NRG3: variants seen among roughly 807,000 people sequenced by gnomAD.
The protein encoded by NRG3 is neuregulin 3, also known as pro-neuregulin-3, membrane-bound isoform.
Under a neutral mutation model 66.9 loss-of-function variants are expected in NRG3, and 31 were observed. That is an observed-to-expected ratio of 0.46 (90% CI 0.35 to 0.63). The LOEUF (loss-of-function observed/expected upper bound fraction) is 0.63, where lower values mean the gene tolerates loss of function less well. Among genes scored for constraint, NRG3 ranks in the 20% least tolerant of loss-of-function variants. NRG3 has a pLI of 0.00. For synonymous variants in NRG3, 393 were observed against 359.4 expected (o/e 1.09, Z -1.06); for missense variants, 910 against 878.9 (o/e 1.04, Z -0.45).
intron 1 of NRG3, among the ~76,000 whole-genome samples, chr10:82,101,444 G>T (rs1377841288): frequency 6.6e-6 from 1 of 151,080 alleles, no homozygotes; most frequent in Non-Finnish European, 1.5e-5. Context: ...TTTATTTTAG[G>T]GCTTTCTTAT....
chr10:81,955,729 T>C (rs1041059634), intron 1 of NRG3, among the ~76,000 whole-genome samples: 3 of 152,134 alleles, frequency 2.0e-5, no homozygotes, highest in Non-Finnish European at 4.4e-5. Context: ...TTATCCTTTT[T>C]TTCCAGCTAA....
At chr10:82,095,064 C>T (rs1205933481) in intron 1 of NRG3, among the ~76,000 whole-genome samples, 2 of 152,054 alleles carry the variant, frequency 1.3e-5, no homozygotes, top group African/African-American at 4.8e-5. Flanking sequence ...CTGGAGCTTT[C>T]CCTTGGCTCC....
chr10:82,288,054 G>A (rs181940944), intron 1 of NRG3, among the ~76,000 whole-genome samples: 7 of 152,298 alleles, frequency 4.6e-5, no homozygotes, highest in Admixed American at 3.3e-4. Flanking sequence ...ATTATAAGGG[G>A]AGCCCCGATG....
At chr10:82,260,571 A>G (rs193090567) in intron 1 of NRG3, among the ~76,000 whole-genome samples, 1 of 152,208 alleles carries the variant, frequency 6.6e-6, no homozygotes, top group South Asian at 2.1e-4. Context: ...TGGCATTTGC[A>G]GTGGGAATAT....
intron 2 of NRG3, among the ~76,000 whole-genome samples, chr10:82,679,727 A>G (rs999151077): frequency 4.6e-5 from 7 of 152,176 alleles, no homozygotes; most frequent in African/African-American, 1.4e-4. Flanking sequence ...TGAGATAAAC[A>G]CCATTATTAA....
intron 1 of NRG3, among the ~76,000 whole-genome samples, chr10:82,227,196 G>C (rs2076208872): frequency 6.6e-6 from 1 of 152,046 alleles, no homozygotes; most frequent in African/African-American, 2.4e-5. Flanking sequence ...GTAAGTGCAG[G>C]AGCGCTTCAG....
intron 3 of NRG3, among the ~76,000 whole-genome samples, chr10:82,796,952 A>G (rs1009658610): frequency 6.6e-6 from 1 of 152,170 alleles, no homozygotes; most frequent in African/African-American, 2.4e-5. Flanking sequence ...ACTACAACCT[A>G]ATATTTTTTA....
At position 82,966,447 on chromosome 10, in the gene NRG3, G is replaced by C. The variant is rs190308356; in HGVS notation, c.1285-7341G>C. Among the ~76,000 whole-genome samples, 384 of 152,148 alleles carry C rather than the reference G, an allele frequency of 2.5e-3. 1 individual carries two copies. Among genetic ancestry groups the C allele is most frequent in the Middle Eastern group, 0.01 (3 of 294 alleles). ...GGTTTTCTGTAGAAATTTTTAAAGT[G>C]CCATTTTTATTATGTCATATCAAGA... On this transcript the variant is annotated intron_variant, in intron 6 of 8. Coordinates refer to ENST00000372141, the MANE Select transcript of NRG3 (RefSeq NM_001010848.4).
At chr10:82,170,189 A>G (rs933277442) in intron 1 of NRG3, among the ~76,000 whole-genome samples, 8 of 152,048 alleles carry the variant, frequency 5.3e-5, no homozygotes, top group African/African-American at 1.9e-4. Context: ...ATTCTAATGG[A>G]GTCCCATCTG....
At chr10:82,658,280 G>A (rs775992793) in intron 2 of NRG3, among the ~76,000 whole-genome samples, 2 of 151,990 alleles carry the variant, frequency 1.3e-5, no homozygotes, top group Non-Finnish European at 2.9e-5. Context: ...TTCAGTATAT[G>A]TACTAACTAT....
chr10:82,676,578 G>A (rs570837253), intron 2 of NRG3, among the ~76,000 whole-genome samples: 1 of 151,928 alleles, frequency 6.6e-6, no homozygotes, highest in Admixed American at 6.6e-5. Flanking sequence ...TCACCTCCCA[G>A]GTTCAAGCAA....
rs572280110 is a variant in NRG3, at chr10:82,823,089, G to A, written c.1028-42322G>A. Among the ~76,000 whole-genome samples, 12 of 152,134 alleles carry A rather than the reference G, an allele frequency of 7.9e-5. 1 individual carries two copies. The highest frequency in any genetic ancestry group is 1.7e-4 in the African/African-American group (7 of 41,494). ...CTGGGTATTCATTTGTGTGCTTACC[G>A]TCTGACACTTGCATTTACATCATTA... On this transcript the variant is annotated intron_variant, in intron 3 of 8. Transcript: ENST00000372141.
intron 1 of NRG3, among the ~76,000 whole-genome samples, chr10:82,165,050 CAT>C (rs1364403775): frequency 6.6e-6 from 1 of 152,028 alleles, no homozygotes; most frequent in Non-Finnish European, 1.5e-5. Flanking sequence ...TATAGATAGA[CAT>C]AAAAAATATT....
At chr10:81,948,742 G>C (rs1478957799) in intron 1 of NRG3, among the ~76,000 whole-genome samples, 1 of 152,166 alleles carries the variant, frequency 6.6e-6, no homozygotes, top group African/African-American at 2.4e-5. Flanking sequence ...GCAACCTATA[G>C]GCCCATCCTC....
chr10:82,149,096 C>G (rs2070494211), intron 1 of NRG3, among the ~76,000 whole-genome samples: 1 of 151,358 alleles, frequency 6.6e-6, no homozygotes, highest in South Asian at 2.1e-4. Context: ...AGCATCAAGC[C>G]TACCTAATAA....
intron 1 of NRG3, among the ~76,000 whole-genome samples, chr10:82,067,537 G>A (rs956402539): frequency 3.3e-4 from 50 of 152,124 alleles, no homozygotes; most frequent in Non-Finnish European, 2.5e-4. Context: ...TAGTAGAGAC[G>A]GGTTTTCGCC....
chr10:81,905,415 AG>A (rs1844501928), intron 1 of NRG3, among the ~76,000 whole-genome samples: 1 of 152,188 alleles, frequency 6.6e-6, no homozygotes, highest in Non-Finnish European at 1.5e-5. Flanking sequence ...CCTGAGTTAC[AG>A]GGTTGAGTTG....
At chr10:82,051,409 G>T (rs1242123876) in intron 1 of NRG3, among the ~76,000 whole-genome samples, 1 of 152,046 alleles carries the variant, frequency 6.6e-6, no homozygotes, top group Non-Finnish European at 1.5e-5. Context: ...AAGAGTCTCT[G>T]ATCCCGTGAG....
chr10:82,043,934 A>C (rs1223521751), intron 1 of NRG3, among the ~76,000 whole-genome samples: 1 of 152,126 alleles, frequency 6.6e-6, no homozygotes. Context: ...TAAACATTGA[A>C]GTAAAGTGTT....
Sources: allele counts gnomAD v4.1 joint callset (sites outside exome capture counted in the v4.1 genomes callset), GRCh38; gene constraint gnomAD v4.1.1; transcripts MANE v1.5; gene names NCBI Gene and HGNC (gene_info 2026-07-23, HGNC 2026-07-21).